STXBP4: variants seen among roughly 807,000 people sequenced by gnomAD.
STXBP4 encodes the protein syntaxin-binding protein 4.
A neutral mutation model predicts 76.1 loss-of-function variants in STXBP4; 55 were observed. The ratio of observed to expected loss-of-function variants is 0.72; its 90% CI spans 0.58 to 0.91. STXBP4 has a LOEUF of 0.91. Ranked by LOEUF, STXBP4 falls within the 40% of genes least tolerant of loss-of-function variation. The pLI, the probability that STXBP4 is intolerant of heterozygous loss-of-function variation, is 0.00. For synonymous variants in STXBP4, 201 were observed against 220.2 expected, an observed-to-expected ratio of 0.91 and a Z score of 0.77; for missense variants, 618 against 636.9, an observed-to-expected ratio of 0.97 and a Z score of 0.32.
At chr17:55,191,112 A>T in the STXBP4 span, among the ~76,000 whole-genome samples, 1 of 152,198 alleles carries the variant, frequency 6.6e-6, no homozygotes, top group Admixed American at 6.5e-5. Flanking sequence ...TAAAACAAGG[A>T]GTGCAGATCT....
chr17:55,138,309 G>A (rs1370645951), intron 16 of STXBP4, among the ~76,000 whole-genome samples: 1 of 152,002 alleles, frequency 6.6e-6, no homozygotes, highest in Non-Finnish European at 1.5e-5. Context: ...TGATACATGG[G>A]CCAGATATGA....
intron 12 of STXBP4, among the ~76,000 whole-genome samples, chr17:55,055,882 G>A (rs1164133741): frequency 1.3e-5 from 2 of 152,190 alleles, no homozygotes; most frequent in East Asian, 3.9e-4. Context: ...CTCTTTATCT[G>A]TGTCCCCCAA....
chr17:55,042,924 T>C (rs778186690), intron 10 of STXBP4, among the ~76,000 whole-genome samples: 44 of 152,156 alleles, frequency 2.9e-4, no homozygotes, highest in Non-Finnish European at 4.7e-4. Context: ...TGGTAATTCC[T>C]GAAGTCTTTT....
intron 13 of STXBP4, among the ~76,000 whole-genome samples, chr17:55,076,261 A>G (rs1218894153): frequency 3.9e-5 from 6 of 152,122 alleles, no homozygotes; most frequent in Admixed American, 3.9e-4. Flanking sequence ...TTGTGTGGTC[A>G]GCATTTGCTT....
chr17:55,104,066 T>C (rs1331093435), intron 16 of STXBP4, among the ~76,000 whole-genome samples: 1 of 152,154 alleles, frequency 6.6e-6, no homozygotes, highest in African/African-American at 2.4e-5. Flanking sequence ...ATCATGTCAT[T>C]TGCAAACAGA....
At chr17:54,986,739 T>TA (rs887769657) in intron 3 of STXBP4, among the ~76,000 whole-genome samples, 1 of 152,164 alleles carries the variant, frequency 6.6e-6, no homozygotes, top group Non-Finnish European at 1.5e-5. Flanking sequence ...ATAATTCCAT[T>TA]AAAAAAATTT....
At chr17:55,179,277 G>A in the STXBP4 span, among the ~76,000 whole-genome samples, 1 of 151,836 alleles carries the variant, frequency 6.6e-6, no homozygotes, top group Non-Finnish European at 1.5e-5. Flanking sequence ...TAGCAATTCA[G>A]AAATAAAGGA....
intron 12 of STXBP4, among the ~76,000 whole-genome samples, chr17:55,058,243 A>G (rs1325424557): frequency 6.6e-6 from 1 of 152,172 alleles, no homozygotes; most frequent in Non-Finnish European, 1.5e-5. Context: ...CATGATCGCC[A>G]TTCTAACTGG....
chr17:54,975,821 T>A (rs1317650754), intron 1 of STXBP4, among the ~76,000 whole-genome samples: 1 of 152,182 alleles, frequency 6.6e-6, no homozygotes, highest in Non-Finnish European at 1.5e-5. Flanking sequence ...ACCTCAAGTT[T>A]GTTTTACTGC....
intron 16 of STXBP4, among the ~76,000 whole-genome samples, chr17:55,114,928 G>T (rs1258567378): frequency 2.0e-5 from 3 of 151,788 alleles, no homozygotes; most frequent in Admixed American, 1.3e-4. Flanking sequence ...TTGGAGCTCA[G>T]AAAAAAATAA....
chr17:55,125,778 C>T (rs2079903978), intron 16 of STXBP4, among the ~76,000 whole-genome samples: 1 of 152,154 alleles, frequency 6.6e-6, no homozygotes, highest in Admixed American at 6.5e-5. Context: ...CCTCACTCTA[C>T]TCCAAACCCT....
At chr17:55,197,752 A>G in the STXBP4 span, among the ~76,000 whole-genome samples, 1 of 151,978 alleles carries the variant, frequency 6.6e-6, no homozygotes, top group Non-Finnish European at 1.5e-5. Context: ...CAAAAAAAAA[A>G]AAGAAGAAAA....
chr17:55,028,235 G>C (rs1434385926), intron 8 of STXBP4, among the ~76,000 whole-genome samples: 2 of 152,088 alleles, frequency 1.3e-5, no homozygotes, highest in African/African-American at 4.8e-5. Flanking sequence ...CTAGCACTTT[G>C]TAGCATTGTG....
At chr17:55,018,669 A>G (rs2078251541) in intron 8 of STXBP4, among the ~76,000 whole-genome samples, 1 of 152,136 alleles carries the variant, frequency 6.6e-6, no homozygotes, top group African/African-American at 2.4e-5. Flanking sequence ...TGGTTCTTAC[A>G]GGTTTTGGGA....
At chr17:55,150,879 A>T (rs892863728) in intron 17 of STXBP4, among the ~76,000 whole-genome samples, 1 of 152,214 alleles carries the variant, frequency 6.6e-6, no homozygotes, top group African/African-American at 2.4e-5. Flanking sequence ...TAAGGTTGCT[A>T]ATCAACTAAC....
intron 10 of STXBP4, among the ~76,000 whole-genome samples, chr17:55,039,595 A>G (rs1374382891): frequency 1.3e-5 from 2 of 152,098 alleles, no homozygotes; most frequent in African/African-American, 4.8e-5. Context: ...ATAGTAAAGA[A>G]CTAAAGTATA....
chr17:55,154,126 C>G (rs2080248969), intron 17 of STXBP4, among the ~76,000 whole-genome samples: 2 of 152,036 alleles, frequency 1.3e-5, no homozygotes, highest in South Asian at 2.1e-4. Context: ...ATGTTGAGAC[C>G]CAGGCTCCTC....
chr17:55,004,810 G>C (rs2077978858), intron 7 of STXBP4, among the ~76,000 whole-genome samples: 1 of 151,720 alleles, frequency 6.6e-6, no homozygotes, highest in South Asian at 2.1e-4. Context: ...AGAAGGAGAA[G>C]GACAAGAAGG....
In STXBP4 at chr17:55,172,408, A is replaced by G. The variant is rs2145217778; in HGVS notation, c.*12497A>G. On this transcript the variant is annotated 3_prime_UTR_variant, in exon 18 of 18. Transcript: ENST00000376352. Reference sequence around the variant, plus strand: ...CCATAGCCTGTCCTGGAATGCAGGTAACTAAAACTTCAGCAGATTATGAAA... The same window carrying G: ...CCATAGCCTGTCCTGGAATGCAGGTGACTAAAACTTCAGCAGATTATGAAA... 1 of 152,356 alleles carries G rather than the reference A, an allele frequency of 6.6e-6. No homozygotes were observed. Among genetic ancestry groups the G allele is most frequent in the South Asian group, 2.1e-4 (1 of 4,830 alleles). 9.4% of individuals were successfully genotyped at this position (152,356 alleles called of 1,614,324 possible). A position where few individuals can be genotyped will look rare whatever the true frequency, so the allele number is the denominator to read the frequency against.
Sources: allele counts gnomAD v4.1 joint callset (sites outside exome capture counted in the v4.1 genomes callset), GRCh38; gene constraint gnomAD v4.1.1; transcripts MANE v1.5; gene names NCBI Gene and HGNC (gene_info 2026-07-23, HGNC 2026-07-21).